NAALADL1: variants seen among roughly 807,000 people sequenced by gnomAD.
The protein encoded by NAALADL1 is aminopeptidase NAALADL1.
A neutral mutation model predicts 82.8 loss-of-function variants in NAALADL1; 77 were observed. The ratio of observed to expected loss-of-function variants is 0.93; its 90% CI spans 0.77 to 1.12. The LOEUF is 1.12. Among genes scored for constraint, NAALADL1 ranks in the 50% most tolerant of loss-of-function variants. NAALADL1 has a pLI of 0.00. For missense variants in NAALADL1, 956 were observed against 964.0 expected, an observed-to-expected ratio of 0.99 and a Z score of 0.11; for synonymous variants, 358 against 399.2, an observed-to-expected ratio of 0.90 and a Z score of 1.23.
chr11:65,049,850 A>C (rs1384325897), intron 8 of NAALADL1, among the ~76,000 whole-genome samples: 1 of 151,824 alleles, frequency 6.6e-6, no homozygotes, highest in African/African-American at 2.4e-5. Flanking sequence ...CAGGCTGGGC[A>C]ACAGAGTGAG....
chr11:65,057,287 C>G, intron 4 of NAALADL1, 84 bp downstream of exon 4: 1 of 1,491,038 alleles, frequency 6.7e-7, no homozygotes, highest in Non-Finnish European at 9.0e-7. Context: ...TGCCTCTTCT[C>G]CTTCCCCTTC....
Position 65,058,002 on chromosome 11 carries a change from G to A in NAALADL1, c.359-6C>T, listed in dbSNP as rs750516806. On this transcript the variant is annotated splice_polypyrimidine_tract_variant and splice_region_variant and intron_variant, in intron 2 of 17. Coordinates refer to ENST00000358658, the MANE Select transcript of NAALADL1 (RefSeq NM_005468.3). ...GATGCCCCCAGTGGGGCCCACTGTT[G>A]GAGGGGTGGCAGTATCATGGCTGGG... 6.2e-7 allele frequency: 1 copy of A among 1,614,144 alleles called. No individual in the cohort carries two copies. The highest frequency in any genetic ancestry group is 2.2e-5 in the East Asian group (1 of 44,872).
Position 65,053,702 on chromosome 11 carries a change from C to A in NAALADL1, c.993-126G>T. ...AGGCCATTCATTGGCCCCGAAGTAC[C>A]AAGAGAGGCAGCAAGGCTGGAGCCA... On this transcript the variant is annotated intron_variant, in intron 6 of 17. Coordinates refer to ENST00000358658, the MANE Select transcript of NAALADL1 (RefSeq NM_005468.3). The surrounding 1 kb of genome is among the most constrained non-coding windows in gnomAD (Gnocchi z 4.3). The A allele has an allele frequency of 1.2e-6, 1 of 806,488 alleles. No individual in the cohort carries two copies. Among genetic ancestry groups the A allele is most frequent in the Non-Finnish European group, 1.9e-6 (1 of 514,894 alleles). 50.0% of individuals were successfully genotyped at this position (806,488 alleles called of 1,614,324 possible). A position where few individuals can be genotyped will look rare whatever the true frequency, so the allele number is the denominator to read the frequency against.
At position 65,046,286 on chromosome 11, in the gene NAALADL1, G is replaced by A. The variant is rs753122233; in HGVS notation, c.1758C>T (p.Pro586=). 1.9e-6 allele frequency: 3 copies of A among 1,614,192 alleles called. No individual in the cohort carries two copies. In the South Asian group the frequency reaches 3.3e-5, roughly 18 times the overall value. ...ILRLSDSFFL[P]LKVSDYSETL... ...TCTCACTGTAGTCACTGACTTTGAG[G>A]GGCAGGAAGAAGCTGTCACTGAGCC... Residue 586 remains proline, a synonymous_variant, in exon 15 of 18, where the codon CCC becomes CCT. Transcript: ENST00000358658.
intron 8 of NAALADL1, among the ~76,000 whole-genome samples, chr11:65,049,094 C>T (rs868121661): frequency 5.9e-5 from 9 of 152,234 alleles, no homozygotes; most frequent in Admixed American, 2.6e-4. Flanking sequence ...GATCTCGGCT[C>T]CCCACACCCT....
chr11:65,057,442 G>A lies in NAALADL1; in HGVS notation c.532C>T (p.Gln178Ter). The A allele has an allele frequency of 1.2e-6, 2 of 1,614,200 alleles. No homozygotes were observed. Among genetic ancestry groups the A allele is most frequent in the Non-Finnish European group, 1.7e-6 (2 of 1,180,010 alleles). The change falls in exon 4 of 18, where the codon CAG (glutamine) becomes TAG (stop). Residue 178 changes from glutamine to a stop codon, truncating the protein, a stop_gained. Coordinates refer to ENST00000358658, the MANE Select transcript of NAALADL1 (RefSeq NM_005468.3). LOFTEE classifies it high-confidence loss of function. ...CCTTCAAGTTTGATGCCCTGAGTCT[G>A]TAGCTCCTTAAAGTCTTCTTCCGCG... Reference protein sequence around the residue: ...RGAEEDFKELQTQGIKLEGTI... With the variant: ...RGAEEDFKEL
chr11:65,050,889 G>A (rs1424590402), intron 8 of NAALADL1, among the ~76,000 whole-genome samples: 2 of 151,998 alleles, frequency 1.3e-5, no homozygotes, highest in Admixed American at 1.3e-4. Flanking sequence ...CAGGGGTCTC[G>A]GTATGTTCCC....
In NAALADL1 at chr11:65,049,090, G is replaced by A. The variant is rs148309350; in HGVS notation, c.1199-705C>T. ...GGTTGGAGTGCAGTGGTGCGATCTCGGCTCCCCACACCCTCAACTTCCTGG... is the reference window on the plus strand; with the variant it reads ...GGTTGGAGTGCAGTGGTGCGATCTCAGCTCCCCACACCCTCAACTTCCTGG... On this transcript the variant is annotated intron_variant, in intron 8 of 17. Transcript: ENST00000358658. Among the ~76,000 whole-genome samples the A allele has an allele frequency of 2.2e-3, 340 of 152,222 alleles. 5 individuals carry two copies. Among genetic ancestry groups the A allele is most frequent in the African/African-American group, 7.4e-3 (308 of 41,532 alleles).
chr11:65,047,910 C>CCCCCAAGG, intron 11 of NAALADL1, 71 bp downstream of exon 11: 1 of 1,358,312 alleles, frequency 7.4e-7, no homozygotes, highest in Non-Finnish European at 1.0e-6. Flanking sequence ...CCCGCCCACC[C>CCCCCAAGG]GTAGCGGCCC....
upstream of NAALADL1, among the ~76,000 whole-genome samples, chr11:65,059,708 A>G (rs1483476539): frequency 6.6e-6 from 1 of 152,196 alleles, no homozygotes; most frequent in Non-Finnish European, 1.5e-5. Context: ...ATTCTGTGCT[A>G]TACTAGAGCC....
At position 65,058,485 on chromosome 11, in the gene NAALADL1, C is replaced by A. The variant is rs370111099; in HGVS notation, c.37G>T (p.Ala13Ser). The A allele has an allele frequency of 6.2e-7, 1 of 1,610,058 alleles. No individual in the cohort carries two copies. Among genetic ancestry groups the A allele is most frequent in the South Asian group, 1.1e-5 (1 of 90,502 alleles). The change falls in exon 1 of 18, where the codon GCT becomes TCT. Residue 13 changes from alanine to serine, a missense_variant. Ala to Ser is a moderately conservative substitution (Grantham distance 99). Transcript: ENST00000358658. Reference sequence around the variant, plus strand: ...ATCCCCAGCCCCAAGAGGGCAGCAGCCCCCAGCCCCAGCCCCAACACCTTC... The same window carrying A: ...ATCCCCAGCCCCAAGAGGGCAGCAGACCCCAGCCCCAGCCCCAACACCTTC... ...WTKVLGLGLGAAALLGLGIIL... is the reference protein window; with the variant it reads ...WTKVLGLGLGSAALLGLGIIL...
At chr11:65,056,811 A>G (rs1229651546) in intron 4 of NAALADL1, among the ~76,000 whole-genome samples, 1 of 149,766 alleles carries the variant, frequency 6.7e-6, no homozygotes, top group South Asian at 2.1e-4. Flanking sequence ...TCTGCCTCCC[A>G]GGTTCAAGCA....
chr11:65,058,624 CT>C, upstream of NAALADL1: 1 of 1,136,468 alleles, frequency 8.8e-7, no homozygotes, highest in Non-Finnish European at 1.2e-6. Flanking sequence ...TGGCACTGCC[CT>C]TTGACCCCCA....
At position 65,045,893 on chromosome 11, in the gene NAALADL1, G is replaced by A. The variant is rs768727770; in HGVS notation, c.1965C>T (p.Leu655=). The A allele has an allele frequency of 1.2e-6, 2 of 1,613,988 alleles. No homozygotes were observed. Among genetic ancestry groups the A allele is most frequent in the African/African-American group, 1.3e-5 (1 of 74,928 alleles). ...GSPDPLQVRM[L]NDQLMLLERT... ...GTTCCAAGAGCATCAACTGGTCATT[G>A]AGCATCCGGACCTGCAGGGGGCTGG... The change falls in exon 17 of 18, where the codon CTC becomes CTT. Residue 655 remains leucine (L), a synonymous_variant. Coordinates refer to ENST00000358658, the MANE Select transcript of NAALADL1 (RefSeq NM_005468.3).
rs779524799 is a variant in NAALADL1 at position 65,053,436 on chromosome 11, C to T, written c.1078+55G>A. On this transcript the variant is annotated intron_variant, in intron 7 of 17. Transcript: ENST00000358658. The surrounding 1 kb of genome is among the most constrained non-coding windows in gnomAD (Gnocchi z 4.3). ...CAAGGGCAGGGCTGGATGAGGACAG[C>T]GGCATCCAGAGCAGAGCAGGGGCCT... is the stretch of plus-strand genomic sequence containing the variant. 8.1e-6 allele frequency: 13 copies of T among 1,611,766 alleles called. No homozygotes were observed. Among genetic ancestry groups the T allele is most frequent in the Non-Finnish European group, 1.0e-5 (12 of 1,178,612 alleles).
intron 13 of NAALADL1, 26 bp downstream of exon 13, chr11:65,047,449 G>A (rs1240463989): frequency 6.5e-7 from 1 of 1,545,924 alleles, no homozygotes; most frequent in Non-Finnish European, 8.8e-7. Flanking sequence ...AGGTACCGAG[G>A]CAGGGACGGA....
chr11:65,048,039 G>A lies in NAALADL1; in HGVS notation c.1358C>T (p.Thr453Ile), dbSNP rs756474902. The A allele has an allele frequency of 1.8e-5, 29 of 1,613,856 alleles. No homozygotes were observed. The South Asian group carries it at 3.2e-4, about 18-fold the overall frequency. The change falls in exon 11 of 18, where the codon ACC becomes ATC. Residue 453 changes from threonine (T) to isoleucine (I), a missense_variant. Thr to Ile is a moderately conservative substitution (Grantham distance 89). Coordinates refer to ENST00000358658, the MANE Select transcript of NAALADL1 (RefSeq NM_005468.3). ...AGGGGGCGTCCCCTGCACCCTAAGG[G>A]TAGCGTTGGCTGTGGGAGGAGGGGA... ...NVDISVFANA[T>I]LRVQGTPPVQ...
intron 13 of NAALADL1, among the ~76,000 whole-genome samples, chr11:65,046,927 G>A (rs1435990143): frequency 2.0e-5 from 3 of 152,080 alleles, no homozygotes; most frequent in Non-Finnish European, 4.4e-5. Flanking sequence ...TCATGCCAAC[G>A]CTCACGCCAA....
At chr11:65,060,493 G>A (rs1947168927), upstream of NAALADL1, among the ~76,000 whole-genome samples, 1 of 152,108 alleles carries the variant, frequency 6.6e-6, no homozygotes, top group African/African-American at 2.4e-5. Flanking sequence ...ATAAGTTGAG[G>A]GACTGAGGCA....
Sources: gnomAD v4.1 joint callset for allele counts (sites outside exome capture counted in the v4.1 genomes callset) on GRCh38, gnomAD v4.1.1 for gene constraint, Gnocchi (gnomAD v3.1) non-coding constraint, MANE v1.5 for transcripts, NCBI Gene and HGNC (gene_info 2026-07-23, HGNC 2026-07-21) for gene names.